SBF2: variants seen among roughly 807,000 people sequenced by gnomAD.
SBF2 encodes the protein SET binding factor 2, also known as myotubularin-related protein 13.
A neutral mutation model predicts 225.2 loss-of-function variants in SBF2; 112 were observed. The ratio of observed to expected loss-of-function variants is 0.50; its 90% confidence interval spans 0.43 to 0.58. The LOEUF (loss-of-function observed/expected upper bound fraction) is 0.58, where lower values mean the gene tolerates loss of function less well. SBF2 is among the 20% of genes least tolerant of loss of function. The probability of loss-of-function intolerance (pLI) is 0.00; values close to 1 mark genes in which losing one functional copy is unlikely to be tolerated. For synonymous variants in SBF2, 763 were observed against 773.3 expected (o/e 0.99, Z 0.22); for missense variants, 1,996 against 2,206.2 (o/e 0.90, Z 1.91).
At chr11:9,937,551 T>C (rs1864975231) in intron 16 of SBF2, among the ~76,000 whole-genome samples, 1 of 152,188 alleles carries the variant, frequency 6.6e-6, no homozygotes, top group Admixed American at 6.5e-5. Flanking sequence ...CCATTTTTAT[T>C]AGGATTAAGA....
chr11:10,202,508 G>A (rs752602412), intron 1 of SBF2, among the ~76,000 whole-genome samples: 18 of 152,274 alleles, frequency 1.2e-4, no homozygotes, highest in Non-Finnish European at 2.4e-4. Flanking sequence ...AAAACTGGCC[G>A]AGCGAGGGGG....
intron 14 of SBF2, among the ~76,000 whole-genome samples, chr11:9,965,801 T>A (rs576436080): frequency 2.0e-5 from 3 of 152,364 alleles, no homozygotes; most frequent in East Asian, 3.9e-4. Flanking sequence ...TTTTTAATCA[T>A]GTAACATTAA....
At chr11:9,940,485 G>A (rs1179753791) in intron 16 of SBF2, among the ~76,000 whole-genome samples, 2 of 152,280 alleles carry the variant, frequency 1.3e-5, no homozygotes, top group South Asian at 2.1e-4. Context: ...ACCAAAGTCT[G>A]AGCAGCTGTG....
At chr11:10,140,730 T>C (rs1055886257) in intron 2 of SBF2, among the ~76,000 whole-genome samples, 1 of 152,092 alleles carries the variant, frequency 6.6e-6, no homozygotes, top group African/African-American at 2.4e-5. Flanking sequence ...AGAGTGGCAT[T>C]TGAAGTGGGG....
chr11:9,961,418 A>C (rs944881931), intron 16 of SBF2: 1 of 152,588 alleles, frequency 6.6e-6, no homozygotes, highest in African/African-American at 2.4e-5. Context: ...AGGCAGGATG[A>C]GGAAACAAGA....
chr11:9,904,441 C>T (rs564530434), intron 16 of SBF2, among the ~76,000 whole-genome samples: 3 of 152,204 alleles, frequency 2.0e-5, no homozygotes, highest in African/African-American at 7.2e-5. Context: ...AACTTAGCCT[C>T]AAAGTATACA....
At chr11:9,896,077 T>A in intron 16 of SBF2, 66 bp from the exon 17 acceptor site, 1 of 1,213,592 alleles carries the variant, frequency 8.2e-7, no homozygotes, top group Non-Finnish European at 1.2e-6. Flanking sequence ...ACATGCGAAC[T>A]AACATCTGGG....
chr11:10,003,372 C>CTT lies in SBF2; in HGVS notation c.620-685_620-684dup, dbSNP rs35409690. Among the ~76,000 whole-genome samples, 39 of 138,792 alleles carry CTT rather than the reference C, an allele frequency of 2.8e-4. No homozygotes were observed. In the East Asian group the frequency reaches 4.9e-3, roughly 18 times the overall value. 91.1% of individuals were successfully genotyped at this position (138,792 alleles called of 152,430 possible). Reference sequence around the variant, plus strand: ...TTTATGCTTTTTCTTTTTCTTTTTTCTTTTTTTTTTTTTGAGACGGAGCCT... The same window carrying CTT: ...TTTATGCTTTTTCTTTTTCTTTTTTCTTTTTTTTTTTTTTTGAGACGGAGCCT... On this transcript the variant is annotated intron_variant, in intron 6 of 39. Transcript: ENST00000256190.
chr11:9,901,242 G>T (rs1031450622), intron 16 of SBF2, among the ~76,000 whole-genome samples: 2 of 152,168 alleles, frequency 1.3e-5, no homozygotes, highest in Non-Finnish European at 2.9e-5. Context: ...GAGCACTGAA[G>T]CTAAATTTTA....
In SBF2 at chr11:9,788,896, C is replaced by T. The variant is rs762599398; in HGVS notation, c.4932+213G>A. 2.6e-5 allele frequency among the ~76,000 whole-genome samples: 4 copies of T among 151,918 alleles called. 1 individual carries two copies. The highest frequency in any genetic ancestry group is 4.2e-4 in the South Asian group (2 of 4,812). On this transcript the variant is annotated intron_variant, in intron 35 of 39. Coordinates refer to ENST00000256190, the MANE Select transcript of SBF2 (RefSeq NM_030962.4). Reference sequence around the variant, plus strand: ...CTGGGATTACAGGCGTGAGCCACCGCGCCAGGCTGGAAAATCACTTTTATT... The same window carrying T: ...CTGGGATTACAGGCGTGAGCCACCGTGCCAGGCTGGAAAATCACTTTTATT...
rs573727991 is a variant in SBF2 at position 9,826,577 on chromosome 11, A to G, written c.3793+2779T>C. Among the ~76,000 whole-genome samples, 5 of 152,142 alleles carry G rather than the reference A, an allele frequency of 3.3e-5. No individual in the cohort carries two copies. The South Asian group carries it at 8.3e-4, about 25-fold the overall frequency. ...GAGGATAGAGCTAGGGCCAATATGT[A>G]AAAGTGGTGGTCAATATGAGAAAGC... is the stretch of plus-strand genomic sequence containing the variant. On this transcript the variant is annotated intron_variant, in intron 28 of 39. Coordinates refer to ENST00000256190, the MANE Select transcript of SBF2 (RefSeq NM_030962.4).
At chr11:10,040,305 G>A (rs1054739269) in intron 3 of SBF2, among the ~76,000 whole-genome samples, 6 of 151,986 alleles carry the variant, frequency 3.9e-5, no homozygotes, top group Non-Finnish European at 7.4e-5. Flanking sequence ...TTCCGGATGT[G>A]TACTCTTAGA....
intron 6 of SBF2, among the ~76,000 whole-genome samples, chr11:10,005,973 C>T (rs1948170738): frequency 6.6e-6 from 1 of 152,112 alleles, no homozygotes; most frequent in African/African-American, 2.4e-5. Flanking sequence ...AGATCATTGA[C>T]CTGAGACACA....
intron 1 of SBF2, among the ~76,000 whole-genome samples, chr11:10,231,218 T>G (rs894052225): frequency 2.0e-5 from 3 of 152,156 alleles, no homozygotes; most frequent in African/African-American, 7.2e-5. Context: ...CATCTAATGT[T>G]TTTCTCAAGG....
chr11:9,853,272 G>A (rs1056097515), intron 20 of SBF2, among the ~76,000 whole-genome samples: 3 of 152,202 alleles, frequency 2.0e-5, no homozygotes. Flanking sequence ...AATGGGTAGA[G>A]TGTTTGGGGT....
At chr11:9,839,404 C>G in intron 26 of SBF2, 94 bp downstream of exon 26, 1 of 1,236,250 alleles carries the variant, frequency 8.1e-7, no homozygotes, top group Admixed American at 1.7e-5. Flanking sequence ...GCATTTTTAT[C>G]TATCTCAGGG....
chr11:9,911,712 G>A (rs181794379), intron 16 of SBF2, among the ~76,000 whole-genome samples: 150 of 152,172 alleles, frequency 9.9e-4, no homozygotes, highest in African/African-American at 3.4e-3. Flanking sequence ...CTCCATTCAC[G>A]GTAATTGTCC....
At chr11:9,829,885 C>T (rs1406524545) in intron 27 of SBF2, among the ~76,000 whole-genome samples, 1 of 152,262 alleles carries the variant, frequency 6.6e-6, no homozygotes, top group Non-Finnish European at 1.5e-5. Context: ...CCCAACCATC[C>T]TGACCAGGTT....
chr11:9,931,269 G>A (rs370011062), intron 16 of SBF2, among the ~76,000 whole-genome samples: 2 of 152,218 alleles, frequency 1.3e-5, no homozygotes, highest in South Asian at 2.1e-4. Flanking sequence ...CCAGAATGGC[G>A]GCTGAGCTCT....
Sources: gnomAD v4.1 joint callset for allele counts (sites outside exome capture counted in the v4.1 genomes callset) on GRCh38, gnomAD v4.1.1 for gene constraint, MANE v1.5 for transcripts, NCBI Gene and HGNC (gene_info 2026-07-23, HGNC 2026-07-21) for gene names.